Variants in AHI1 observed in about 807,000 individuals in gnomAD.
The protein encoded by AHI1 is Abelson helper integration site 1, also known as jouberin.
AHI1 carries 123 observed loss-of-function variants against 149.3 expected under a neutral mutation model. That is an observed-to-expected ratio of 0.82 (90% CI 0.71 to 0.96). AHI1 has a LOEUF of 0.96. AHI1 is among the 40% of genes least tolerant of loss of function. The pLI, the probability that AHI1 is intolerant of heterozygous loss-of-function variation, is 0.00. For missense variants in AHI1, 1,439 were observed against 1,422.7 expected (o/e 1.01, Z -0.18); for synonymous variants, 475 against 459.8 (o/e 1.03, Z -0.42).
intron 24 of AHI1, among the ~76,000 whole-genome samples, chr6:135,356,240 T>C (rs1180352532): frequency 6.6e-6 from 1 of 152,192 alleles, no homozygotes; most frequent in Non-Finnish European, 1.5e-5. Context: ...GTCAGTAGAA[T>C]ACAAAATTTG....
intron 24 of AHI1, among the ~76,000 whole-genome samples, chr6:135,340,282 G>A (rs992218986): frequency 7.2e-5 from 11 of 152,042 alleles, no homozygotes; most frequent in East Asian, 1.9e-4. Context: ...TGAGGCAGGC[G>A]AATTGCCTGA....
At chr6:135,452,113 T>C (rs561008666) in intron 11 of AHI1, among the ~76,000 whole-genome samples, 1 of 152,336 alleles carries the variant, frequency 6.6e-6, no homozygotes, top group African/African-American at 2.4e-5. Flanking sequence ...TAGCACATAA[T>C]AATGTAGGTA....
intron 23 of AHI1, among the ~76,000 whole-genome samples, chr6:135,382,426 C>G (rs1363560865): frequency 1.3e-5 from 2 of 152,188 alleles, no homozygotes; most frequent in South Asian, 4.1e-4. Flanking sequence ...GTTCCTAAAC[C>G]TAATTTCCAT....
intron 20 of AHI1, among the ~76,000 whole-genome samples, chr6:135,422,959 A>G (rs951037593): frequency 6.6e-6 from 1 of 152,160 alleles, no homozygotes; most frequent in East Asian, 1.9e-4. Flanking sequence ...CAAAGACTAA[A>G]TAAGTGCCTA....
At chr6:135,482,729 C>A (rs942915698) in intron 5 of AHI1, among the ~76,000 whole-genome samples, 1 of 151,228 alleles carries the variant, frequency 6.6e-6, no homozygotes, top group African/African-American at 2.4e-5. Flanking sequence ...GGTAATGGGT[C>A]GGGTTATCTT....
At chr6:135,445,975 G>A (rs1279587336) in intron 13 of AHI1, among the ~76,000 whole-genome samples, 1 of 152,010 alleles carries the variant, frequency 6.6e-6, no homozygotes, top group Admixed American at 6.6e-5. Context: ...AGAATGGCAT[G>A]AACCCGGGAG....
chr6:135,368,228 TGCGCTG>T (rs370543093), intron 23 of AHI1, among the ~76,000 whole-genome samples: 54 of 152,308 alleles, frequency 3.5e-4, no homozygotes, highest in African/African-American at 1.3e-3. Context: ...TACCAGCCCC[TGCGCTG>T]GTGGAGGTAG....
intron 26 of AHI1, among the ~76,000 whole-genome samples, chr6:135,308,352 C>T (rs948925517): frequency 5.9e-5 from 9 of 152,122 alleles, no homozygotes. Flanking sequence ...CCTCCCACCT[C>T]AGCCTCCCAA....
intron 24 of AHI1, among the ~76,000 whole-genome samples, chr6:135,331,694 C>T (rs1179063220): frequency 6.6e-6 from 1 of 152,158 alleles, no homozygotes; most frequent in African/African-American, 2.4e-5. Flanking sequence ...ACCTCCAAGT[C>T]ATTCGACAAG....
intron 12 of AHI1, 139 bp from the exon 13 acceptor site, chr6:135,447,299 T>G (rs1033630000): frequency 1.7e-6 from 1 of 599,060 alleles, no homozygotes; most frequent in South Asian, 6.2e-5. Flanking sequence ...CTACTTTTAT[T>G]TGTACATTAT....
chr6:135,329,406 T>C (rs543360926), intron 24 of AHI1, among the ~76,000 whole-genome samples: 57 of 152,302 alleles, frequency 3.7e-4, no homozygotes, highest in African/African-American at 1.3e-3. Context: ...TTAAGAATTA[T>C]GTTAAATCTA....
At chr6:135,468,360 AC>A (rs1293879853) in intron 5 of AHI1, among the ~76,000 whole-genome samples, 11 of 152,184 alleles carry the variant, frequency 7.2e-5, no homozygotes, top group Non-Finnish European at 1.6e-4. Flanking sequence ...ACAAGAAATA[AC>A]CAAGATCAGA....
At chr6:135,413,567 A>G (rs1317843616) in intron 20 of AHI1, among the ~76,000 whole-genome samples, 1 of 152,104 alleles carries the variant, frequency 6.6e-6, no homozygotes, top group African/African-American at 2.4e-5. Flanking sequence ...AGCAAAATTT[A>G]AGGAGGTTCT....
chr6:135,493,771 C>T lies in AHI1; in HGVS notation c.-54-1480G>A, dbSNP rs148792623. ...CATCAAAAAAAAGCCTGCTGGGCGC[C>T]GTGGCTCATGTCTGTAATCCCAATA... On this transcript the variant is annotated intron_variant, in intron 3 of 28. Transcript: ENST00000265602. Among the ~76,000 whole-genome samples the T allele has an allele frequency of 3.4e-3, 518 of 152,118 alleles. 1 individual carries two copies. Among genetic ancestry groups the T allele is most frequent in the Non-Finnish European group, 5.1e-3 (347 of 67,990 alleles).
At chr6:135,401,369 A>C (rs1451245797) in intron 22 of AHI1, among the ~76,000 whole-genome samples, 1 of 152,234 alleles carries the variant, frequency 6.6e-6, no homozygotes, top group African/African-American at 2.4e-5. Flanking sequence ...ACTTAGAAAA[A>C]TACTTGGTAG....
At chr6:135,408,934 T>C (rs1026630891) in intron 21 of AHI1, among the ~76,000 whole-genome samples, 5 of 152,174 alleles carry the variant, frequency 3.3e-5, no homozygotes, top group African/African-American at 1.2e-4. Context: ...CTACACTACC[T>C]TTAACAAAGC....
chr6:135,386,631 CTTTTT>C (rs1417781429), intron 23 of AHI1, among the ~76,000 whole-genome samples: 4 of 149,706 alleles, frequency 2.7e-5, no homozygotes, highest in African/African-American at 9.8e-5. Context: ...TTTTTCTTTT[CTTTTT>C]TTGTTTTTTT....
Position 135,343,616 on chromosome 6 carries a change from G to A in AHI1, c.3165+14516C>T, listed in dbSNP as rs376274739. On this transcript the variant is annotated intron_variant, in intron 24 of 28. Transcript: ENST00000265602. ...TTTGGTCACCTGATTTTCAACAAGG[G>A]TGCCAAGACCATTAAAAGGAAAAAA... 4.0e-5 allele frequency among the ~76,000 whole-genome samples: 6 copies of A among 150,298 alleles called. No homozygotes were observed. The East Asian group carries it at 9.7e-4, about 24-fold the overall frequency.
intron 24 of AHI1, among the ~76,000 whole-genome samples, chr6:135,344,535 G>A (rs1245747829): frequency 6.6e-6 from 1 of 151,712 alleles, no homozygotes; most frequent in Non-Finnish European, 1.5e-5. Flanking sequence ...TATTAACAAG[G>A]AATGATGTTT....
Sources: allele counts gnomAD v4.1 joint callset (sites outside exome capture counted in the v4.1 genomes callset), GRCh38; gene constraint gnomAD v4.1.1; transcripts MANE v1.5; gene names NCBI Gene and HGNC (gene_info 2026-07-23, HGNC 2026-07-21).